The following COL22A1 variants were observed in gnomAD, a reference collection of about 807,000 sequenced individuals.
The protein encoded by COL22A1 is collagen alpha-1(XXII) chain.
Under a neutral mutation model 248.9 loss-of-function variants are expected in COL22A1, and 221 were observed. That is an observed-to-expected ratio of 0.89 (90% CI 0.80 to 0.99). COL22A1 has a LOEUF of 0.99. Ranked by LOEUF, COL22A1 falls within the 50% of genes least tolerant of loss-of-function variation. The pLI is 0.00. For synonymous variants in COL22A1, 891 were observed against 793.4 expected (o/e 1.12, Z -2.07); for missense variants, 2,240 against 2,179.0 (o/e 1.03, Z -0.56).
chr8:138,761,996 T>C (rs1407198382), intron 17 of COL22A1, among the ~76,000 whole-genome samples: 1 of 152,232 alleles, frequency 6.6e-6, no homozygotes, highest in African/African-American at 2.4e-5. Flanking sequence ...TCTTCATGAA[T>C]GTCCTCAGCC....
rs368468244 is a variant in COL22A1, at chr8:138,655,849, C to T, written c.3333+48G>A. The T allele has an allele frequency of 6.6e-5, 97 of 1,472,564 alleles. 1 individual carries two copies. The highest frequency in any genetic ancestry group is 1.1e-4 in the East Asian group (5 of 44,220). The allele number at this position is 1,472,564 out of a possible 1,614,324, so 91.2% of individuals were successfully genotyped here. A position where few individuals can be genotyped will look rare whatever the true frequency, so the allele number is the denominator to read the frequency against. On this transcript the variant is annotated intron_variant, in intron 45 of 64. Transcript: ENST00000303045. Reference sequence around the variant, plus strand: ...AACTTATTATCAAGATCTCCAATCCCGCCATCACCATTTTCAAAACACATG... The same window carrying T: ...AACTTATTATCAAGATCTCCAATCCTGCCATCACCATTTTCAAAACACATG...
intron 1 of COL22A1, among the ~76,000 whole-genome samples, chr8:138,900,813 C>CA (rs767169777): frequency 1.3e-5 from 2 of 150,708 alleles, no homozygotes; most frequent in Non-Finnish European, 3.0e-5. Context: ...TGCCTCCATC[C>CA]AGCTTACTTT....
intron 37 of COL22A1, among the ~76,000 whole-genome samples, chr8:138,686,855 G>A (rs1445475248): frequency 6.6e-6 from 1 of 152,184 alleles, no homozygotes; most frequent in Non-Finnish European, 1.5e-5. Context: ...GAATCCAGAT[G>A]TTTTTCCTTT....
intron 62 of COL22A1, 124 bp downstream of exon 62, chr8:138,596,780 T>A: frequency 1.2e-6 from 1 of 824,856 alleles, no homozygotes. Flanking sequence ...ACCCTGATAG[T>A]CTACACTTGA....
chr8:138,620,177 G>A (rs978395786), intron 52 of COL22A1: 1 of 152,234 alleles, frequency 6.6e-6, no homozygotes, highest in Non-Finnish European at 1.5e-5. Context: ...GCCAACTCAG[G>A]TTCATATAAA....
rs78605294 is a variant in COL22A1 at position 138,632,251 on chromosome 8, T to C, written c.3610-1503A>G. On this transcript the variant is annotated intron_variant, in intron 49 of 64. Coordinates refer to ENST00000303045, the MANE Select transcript of COL22A1 (RefSeq NM_152888.3). ...CGAGTTCCTGAGCCCATATCCCATTTCTCCACTCAACAGCTGTATAAGCCT... is the reference window on the plus strand; with the variant it reads ...CGAGTTCCTGAGCCCATATCCCATTCCTCCACTCAACAGCTGTATAAGCCT... Among the ~76,000 whole-genome samples, 419 of 152,330 alleles carry C rather than the reference T, an allele frequency of 2.8e-3. 6 individuals carry two copies. Among genetic ancestry groups the C allele is most frequent in the Admixed American group, 0.023 (353 of 15,296 alleles).
intron 3 of COL22A1, among the ~76,000 whole-genome samples, chr8:138,856,453 T>A (rs1822015623): frequency 6.8e-6 from 1 of 148,042 alleles, no homozygotes; most frequent in Non-Finnish European, 1.5e-5. Context: ...GGAGAAGCAG[T>A]GACAGCAAGA....
chr8:138,665,825 A>G (rs1040679618), intron 41 of COL22A1, among the ~76,000 whole-genome samples: 1 of 152,222 alleles, frequency 6.6e-6, no homozygotes, highest in Admixed American at 6.5e-5. Context: ...AAACAGAGAA[A>G]ATAACATGGC....
At chr8:138,608,956 G>A (rs539816703) in intron 56 of COL22A1, among the ~76,000 whole-genome samples, 1 of 152,318 alleles carries the variant, frequency 6.6e-6, no homozygotes, top group African/African-American at 2.4e-5. Flanking sequence ...ACACACAGGA[G>A]GTTTCCTGCT....
chr8:138,701,507 C>A (rs1156363907), intron 31 of COL22A1, among the ~76,000 whole-genome samples: 1 of 152,196 alleles, frequency 6.6e-6, no homozygotes, highest in African/African-American at 2.4e-5. Flanking sequence ...CACTGTTTTT[C>A]AGTTTACCAT....
chr8:138,692,375 CATGTGTATTGTGCACGTATGTACAT>C (rs2130917779), intron 35 of COL22A1, among the ~76,000 whole-genome samples: 2 of 122,394 alleles, frequency 1.6e-5, no homozygotes, highest in Admixed American at 8.6e-5. Context: ...TGTTTGTGGA[CATGTGTATTGTGCACGTATGTACAT>C]GTGTGTGTAT....
chr8:138,599,790 A>G (rs576232033), intron 60 of COL22A1, among the ~76,000 whole-genome samples: 1 of 152,370 alleles, frequency 6.6e-6, no homozygotes, highest in East Asian at 1.9e-4. Context: ...CCACCAGCCC[A>G]TGGTCACACA....
In COL22A1 at chr8:138,872,542, C is replaced by T. The variant is rs573343731; in HGVS notation, c.658+5208G>A. On this transcript the variant is annotated intron_variant, in intron 3 of 64. Transcript: ENST00000303045. ...TTCCACAGGCTCACTTACAGTGACC[C>T]GATAAGCTATATAAAGCTCGTTTTG... 1.5e-3 allele frequency among the ~76,000 whole-genome samples: 228 copies of T among 152,266 alleles called. 1 individual carries two copies. Among genetic ancestry groups the T allele is most frequent in the Non-Finnish European group, 2.4e-3 (161 of 68,022 alleles).
intron 3 of COL22A1, among the ~76,000 whole-genome samples, chr8:138,847,780 T>C (rs1586881821): frequency 6.6e-6 from 1 of 150,800 alleles, no homozygotes; most frequent in East Asian, 1.9e-4. Flanking sequence ...ATTCCAATCC[T>C]AGGTGGGAGG....
chr8:138,619,178 A>G (rs751571260), intron 53 of COL22A1, among the ~76,000 whole-genome samples: 3 of 152,248 alleles, frequency 2.0e-5, no homozygotes, highest in African/African-American at 7.2e-5. Flanking sequence ...TTTACGTTCT[A>G]TTATCCAGAG....
chr8:138,715,755 TAGAA>T lies in COL22A1; in HGVS notation c.2464-24_2464-21del. 1 of 1,573,674 alleles carries T rather than the reference TAGAA, an allele frequency of 6.4e-7. No individual in the cohort carries two copies. The highest frequency in any genetic ancestry group is 8.7e-7 in the Non-Finnish European group (1 of 1,147,650). ...TTCTCCCTATAATAAAAGATAAAATTAGAAAACATTAGAACCCAAACCGAGCTGA... is the reference window on the plus strand; with the variant it reads ...TTCTCCCTATAATAAAAGATAAAATTAACATTAGAACCCAAACCGAGCTGA... On this transcript the variant is annotated intron_variant, in intron 29 of 64. Coordinates refer to ENST00000303045, the MANE Select transcript of COL22A1 (RefSeq NM_152888.3).
At chr8:138,714,228 G>GGT (rs1563654978) in intron 30 of COL22A1, among the ~76,000 whole-genome samples, 5 of 152,150 alleles carry the variant, frequency 3.3e-5, no homozygotes, top group African/African-American at 4.8e-5. Context: ...CTGTAGGTTA[G>GGT]GCGTGTATCA....
chr8:138,685,954 C>T (rs1453000624), intron 37 of COL22A1, among the ~76,000 whole-genome samples: 2 of 152,138 alleles, frequency 1.3e-5, no homozygotes, highest in Non-Finnish European at 2.9e-5. Flanking sequence ...CGGTGCATCT[C>T]TTACAGATCA....
At chr8:138,825,885 C>T (rs915219806) in intron 6 of COL22A1, 6 of 152,198 alleles carry the variant, frequency 3.9e-5, no homozygotes, top group African/African-American at 1.4e-4. Flanking sequence ...TGGCAGAGAA[C>T]AAATAGTAGT....
Sources: allele counts gnomAD v4.1 joint callset (sites outside exome capture counted in the v4.1 genomes callset), GRCh38; gene constraint gnomAD v4.1.1; transcripts MANE v1.5; gene names NCBI Gene and HGNC (gene_info 2026-07-23, HGNC 2026-07-21).